CSMD1: variants seen among roughly 807,000 people sequenced by gnomAD.
CSMD1 encodes CUB and sushi domain-containing protein 1.
Under a neutral mutation model 417.5 loss-of-function variants are expected in CSMD1, and 213 were observed. The observed-to-expected ratio is 0.51, with a 90% confidence interval of 0.46 to 0.57. The LOEUF is 0.57. Among genes scored for constraint, CSMD1 ranks in the 20% least tolerant of loss-of-function variants. The pLI is 0.00. For synonymous variants in CSMD1, 2,862 were observed against 1,736.8 expected (o/e 1.65, Z -16.11); for missense variants, 6,923 against 4,529.7 (o/e 1.53, Z -15.17).
chr8:3,462,242 G>A (rs1432201957), intron 12 of CSMD1, among the ~76,000 whole-genome samples: 1 of 152,074 alleles, frequency 6.6e-6, no homozygotes, highest in Non-Finnish European at 1.5e-5. Context: ...ATGGCACCAA[G>A]CCTGGCCCAA....
rs1343990677 is a variant in CSMD1, at chr8:4,712,979, A to T, written c.86-75421T>A. 3.5e-4 allele frequency among the ~76,000 whole-genome samples: 54 copies of T among 152,240 alleles called. 1 individual carries two copies. ...TTTTCTATAAAGGCAAATCCACGGGAATTACTGGCAGTAATATTAATGATA... is the reference window on the plus strand; with the variant it reads ...TTTTCTATAAAGGCAAATCCACGGGTATTACTGGCAGTAATATTAATGATA... On this transcript the variant is annotated intron_variant, in intron 1 of 69. Coordinates refer to ENST00000635120, the MANE Select transcript of CSMD1 (RefSeq NM_033225.6).
At chr8:3,743,612 C>G (rs934355619) in intron 6 of CSMD1, among the ~76,000 whole-genome samples, 1 of 152,138 alleles carries the variant, frequency 6.6e-6, no homozygotes, top group African/African-American at 2.4e-5. Context: ...GGAACTAGGT[C>G]TCGAAAACCT....
chr8:3,966,195 T>C (rs1231316335), intron 5 of CSMD1, among the ~76,000 whole-genome samples: 1 of 152,170 alleles, frequency 6.6e-6, no homozygotes, highest in Non-Finnish European at 1.5e-5. Flanking sequence ...TACCACGGTA[T>C]AAAATATGCC....
intron 5 of CSMD1, among the ~76,000 whole-genome samples, chr8:3,920,811 A>T (rs1480817805): frequency 6.6e-6 from 1 of 152,126 alleles, no homozygotes; most frequent in South Asian, 2.1e-4. Context: ...CTTGCATCCC[A>T]GCGATAAATC....
intron 10 of CSMD1, among the ~76,000 whole-genome samples, chr8:3,537,261 C>A (rs189206123): frequency 1.6e-3 from 247 of 152,306 alleles, no homozygotes; most frequent in African/African-American, 5.4e-3. Flanking sequence ...CCTTGGCCTC[C>A]CAAAGTGCTG....
rs1385703662 is a variant in CSMD1 at position 4,949,562 on chromosome 8, C to G, written c.85+44770G>C. Among the ~76,000 whole-genome samples, 5 of 152,302 alleles carry G rather than the reference C, an allele frequency of 3.3e-5. No homozygotes were observed. The East Asian group carries it at 9.7e-4, about 29-fold the overall frequency. ...CGTGCTTAGTTGTTGCATGTCACATCTGGTATCCAGTGATGCTGCCAAAGT... is the reference window on the plus strand; with the variant it reads ...CGTGCTTAGTTGTTGCATGTCACATGTGGTATCCAGTGATGCTGCCAAAGT... On this transcript the variant is annotated intron_variant, in intron 1 of 69. Transcript: ENST00000635120.
intron 51 of CSMD1, among the ~76,000 whole-genome samples, chr8:3,028,333 G>A (rs1020195498): frequency 1.3e-5 from 2 of 152,126 alleles, no homozygotes; most frequent in Admixed American, 1.3e-4. Flanking sequence ...GGGAAGGGGG[G>A]CATTTCCTAA....
At chr8:3,447,064 G>A (rs948625933) in intron 12 of CSMD1, among the ~76,000 whole-genome samples, 2 of 152,128 alleles carry the variant, frequency 1.3e-5, no homozygotes, top group Non-Finnish European at 2.9e-5. Flanking sequence ...TTAAAACACA[G>A]CGTAACATCA....
At chr8:4,983,821 A>G (rs946576669) in intron 1 of CSMD1, among the ~76,000 whole-genome samples, 9 of 115,672 alleles carry the variant, frequency 7.8e-5, no homozygotes, top group Non-Finnish European at 1.2e-4. Flanking sequence ...GATCAAGGAG[A>G]GATTGGGTGA....
intron 10 of CSMD1, among the ~76,000 whole-genome samples, chr8:3,557,108 A>G (rs949919696): frequency 6.6e-6 from 1 of 152,224 alleles, no homozygotes; most frequent in Non-Finnish European, 1.5e-5. Flanking sequence ...AATCCATTCC[A>G]AATATTACCC....
chr8:4,013,390 G>C (rs539449242), intron 4 of CSMD1, among the ~76,000 whole-genome samples: 2 of 152,138 alleles, frequency 1.3e-5, no homozygotes, highest in Non-Finnish European at 2.9e-5. Context: ...TGATATTCTC[G>C]CAGGGCTCAC....
At chr8:3,209,319 A>T (rs199881994) in intron 30 of CSMD1, among the ~76,000 whole-genome samples, 1 of 129,222 alleles carries the variant, frequency 7.7e-6, no homozygotes, top group Non-Finnish European at 1.7e-5. Flanking sequence ...TTATTTATTT[A>T]TATTTATTTA....
intron 30 of CSMD1, among the ~76,000 whole-genome samples, chr8:3,208,924 T>G (rs2116779249): frequency 1.3e-5 from 2 of 152,328 alleles, no homozygotes; most frequent in East Asian, 3.9e-4. Flanking sequence ...TGTGGGAATT[T>G]GTGATCATGT....
At chr8:4,582,858 C>T (rs1316057526) in intron 2 of CSMD1, among the ~76,000 whole-genome samples, 4 of 152,322 alleles carry the variant, frequency 2.6e-5, no homozygotes, top group South Asian at 2.1e-4. Flanking sequence ...CAGGGCTGTG[C>T]GAGGCACTTG....
At chr8:3,932,591 AAATCC>A (rs1162768762) in intron 5 of CSMD1, among the ~76,000 whole-genome samples, 1 of 150,644 alleles carries the variant, frequency 6.6e-6, no homozygotes, top group Non-Finnish European at 1.5e-5. Context: ...GGCTAGTTAA[AAATCC>A]ACAAACAGTA....
chr8:4,547,825 G>A (rs920124730), intron 2 of CSMD1, among the ~76,000 whole-genome samples: 2 of 152,196 alleles, frequency 1.3e-5, no homozygotes, highest in Non-Finnish European at 2.9e-5. Context: ...AGAGAAACAA[G>A]AATGGTTAGG....
chr8:4,803,547 T>A lies in CSMD1; in HGVS notation c.86-165989A>T, dbSNP rs1798425795. On this transcript the variant is annotated intron_variant, in intron 1 of 69. Transcript: ENST00000635120. ...TACCAGAGACAAATTTGACTGTAAA[T>A]CTCAGCTGTTTTATTTATAAAATCG... is the stretch of plus-strand genomic sequence containing the variant. 2.0e-5 allele frequency among the ~76,000 whole-genome samples: 3 copies of A among 152,162 alleles called. No homozygotes were observed. In the South Asian group the frequency reaches 6.2e-4, roughly 32 times the overall value.
intron 7 of CSMD1, among the ~76,000 whole-genome samples, chr8:3,637,353 G>A (rs924158379): frequency 1.3e-5 from 2 of 152,074 alleles, no homozygotes; most frequent in African/African-American, 4.8e-5. Context: ...GGATTCTTAT[G>A]AGTTTGGGCA....
At chr8:3,677,296 G>C (rs1036140460) in intron 7 of CSMD1, among the ~76,000 whole-genome samples, 1 of 152,150 alleles carries the variant, frequency 6.6e-6, no homozygotes, top group Non-Finnish European at 1.5e-5. Context: ...TCCAACTAAT[G>C]ATTGATGTAA....
Sources: allele counts gnomAD v4.1 joint callset (sites outside exome capture counted in the v4.1 genomes callset), GRCh38; gene constraint gnomAD v4.1.1; transcripts MANE v1.5; gene names NCBI Gene and HGNC (gene_info 2026-07-23, HGNC 2026-07-21).